Variants in DCDC2 observed in about 807,000 individuals in gnomAD.
DCDC2 encodes doublecortin domain-containing protein 2.
In DCDC2, 40 loss-of-function variants were observed where a neutral mutation model predicts 50.2. The observed-to-expected ratio is 0.80, with a 90% CI of 0.62 to 1.04. The LOEUF (loss-of-function observed/expected upper bound fraction) is 1.04. Among genes scored for constraint, DCDC2 ranks in the 50% least tolerant of loss-of-function variants. The pLI is 0.00. For missense variants in DCDC2, 570 were observed against 581.9 expected (o/e 0.98, Z 0.21); for synonymous variants, 234 against 210.6 (o/e 1.11, Z -0.96).
chr6:24,338,864 A>C (rs920588806), intron 2 of DCDC2, among the ~76,000 whole-genome samples: 1 of 151,944 alleles, frequency 6.6e-6, no homozygotes, highest in African/African-American at 2.4e-5. Flanking sequence ...GGCTGGTCTC[A>C]AACTCCTGAC....
At chr6:24,320,028 A>G (rs1259881351) in intron 2 of DCDC2, among the ~76,000 whole-genome samples, 1 of 152,214 alleles carries the variant, frequency 6.6e-6, no homozygotes, top group African/African-American at 2.4e-5. Flanking sequence ...AGAGCTTGGG[A>G]AAACGGTATT....
At chr6:24,359,033 T>A (rs1345955005), upstream of DCDC2, among the ~76,000 whole-genome samples, 9 of 53,480 alleles carry the variant, frequency 1.7e-4, no homozygotes, top group African/African-American at 7.4e-4. Flanking sequence ...TATTTTATAT[T>A]TTATATATAT....
At chr6:24,214,303 A>T (rs1291543270) in intron 7 of DCDC2, among the ~76,000 whole-genome samples, 4 of 152,184 alleles carry the variant, frequency 2.6e-5, no homozygotes, top group Non-Finnish European at 5.9e-5. Context: ...AGGTGTAGCA[A>T]AATATTCTAA....
intron 7 of DCDC2, among the ~76,000 whole-genome samples, chr6:24,232,832 T>TG (rs1480016971): frequency 6.6e-6 from 1 of 150,950 alleles, no homozygotes; most frequent in Non-Finnish European, 1.5e-5. Flanking sequence ...ATGGGGTTCT[T>TG]GAAAAAAAAA....
At chr6:24,210,240 G>T (rs1424841307) in intron 7 of DCDC2, among the ~76,000 whole-genome samples, 1 of 152,104 alleles carries the variant, frequency 6.6e-6, no homozygotes, top group Non-Finnish European at 1.5e-5. Context: ...AATCTCATTT[G>T]AGTACCATCA....
At chr6:24,206,404 G>A (rs561123893) in intron 7 of DCDC2, among the ~76,000 whole-genome samples, 6 of 152,190 alleles carry the variant, frequency 3.9e-5, no homozygotes, top group African/African-American at 1.4e-4. Context: ...CAGGAAGGGA[G>A]GAAAAGAGTG....
At chr6:24,243,286 A>G (rs73394036) in intron 7 of DCDC2, among the ~76,000 whole-genome samples, 19,411 of 152,146 alleles carry the variant, frequency 0.13, 1,583 homozygotes, top group East Asian at 0.36. Flanking sequence ...CAGATAACAG[A>G]GTCTTACTCT....
chr6:24,187,481 A>G (rs1031650736), intron 8 of DCDC2, among the ~76,000 whole-genome samples: 2 of 152,190 alleles, frequency 1.3e-5, no homozygotes, highest in African/African-American at 4.8e-5. Context: ...AGATACCTCT[A>G]GTACATTCTA....
At chr6:24,366,098 G>A in the DCDC2 span, among the ~76,000 whole-genome samples, 1 of 152,154 alleles carries the variant, frequency 6.6e-6, no homozygotes, top group South Asian at 2.1e-4. Context: ...GATTATAGGT[G>A]TAAGCCACTT....
At position 24,234,772 on chromosome 6, in the gene DCDC2, G is replaced by C. The variant is rs575299244; in HGVS notation, c.923-29670C>G. Among the ~76,000 whole-genome samples the C allele has an allele frequency of 1.6e-4, 25 of 152,256 alleles. No homozygotes were observed. In the South Asian group the frequency reaches 1.9e-3, roughly 11 times the overall value. ...TTAGTTTTAGGGATGTTGGGTACAA[G>C]TCTTTGGACCCCAAAAAATGTACAC... On this transcript the variant is annotated intron_variant, in intron 7 of 9. Coordinates refer to ENST00000378454, the MANE Select transcript of DCDC2 (RefSeq NM_016356.5).
At chr6:24,325,388 C>A (rs1043439924) in intron 2 of DCDC2, among the ~76,000 whole-genome samples, 8 of 149,600 alleles carry the variant, frequency 5.3e-5, no homozygotes, top group African/African-American at 1.9e-4. Context: ...CCTCAATCAA[C>A]TGTCTTCCTT....
chr6:24,244,017 T>C (rs1309987535), intron 7 of DCDC2, among the ~76,000 whole-genome samples: 1 of 152,260 alleles, frequency 6.6e-6, no homozygotes, highest in African/African-American at 2.4e-5. Context: ...TAATAAGGTT[T>C]ATTAAGTAGC....
chr6:24,327,560 G>A (rs190685407), intron 2 of DCDC2, among the ~76,000 whole-genome samples: 1 of 130,836 alleles, frequency 7.6e-6, no homozygotes, highest in African/African-American at 2.5e-5. Flanking sequence ...TGCAACCTCC[G>A]CCTCCCGGGT....
At position 24,173,914 on chromosome 6, in the gene DCDC2, A is replaced by G. The variant is rs1760840571; in HGVS notation, c.*816T>C. On this transcript the variant is annotated 3_prime_UTR_variant, in exon 10 of 10. Transcript: ENST00000378454. ...AATAGCCAATATCAGGTTCTCTAATAACATAAGGGAGAAGAGAGAGATACT... is the reference window on the plus strand; with the variant it reads ...AATAGCCAATATCAGGTTCTCTAATGACATAAGGGAGAAGAGAGAGATACT... 6.6e-6 allele frequency: 1 copy of G among 152,222 alleles called. No individual in the cohort carries two copies. Among genetic ancestry groups the G allele is most frequent in the African/African-American group, 2.4e-5 (1 of 41,450 alleles). The allele number at this position is 152,222 out of a possible 1,614,324, so 9.4% of individuals were successfully genotyped here.
At chr6:24,221,151 T>C (rs1279025294) in intron 7 of DCDC2, among the ~76,000 whole-genome samples, 1 of 152,130 alleles carries the variant, frequency 6.6e-6, no homozygotes, top group Non-Finnish European at 1.5e-5. Context: ...TAAAGGATAA[T>C]TCACTTAAGA....
Position 24,178,369 on chromosome 6 carries a change from C to T in DCDC2, c.1287G>A (p.Lys429=). ...VNNELQLVLD[K]ERKSQGAGSG... Reference sequence around the variant, plus strand: ...TGCCAGCTCCTTGAGACTTTCTTTCCTTGTCTAGGACCAGTTGAAGCTCAT... The same window carrying T: ...TGCCAGCTCCTTGAGACTTTCTTTCTTTGTCTAGGACCAGTTGAAGCTCAT... Residue 429 remains lysine (K), a synonymous_variant, in exon 9 of 10, where the codon AAG becomes AAA. Transcript: ENST00000378454. 1 of 1,614,008 alleles carries T rather than the reference C, an allele frequency of 6.2e-7. No individual in the cohort carries two copies. The highest frequency in any genetic ancestry group is 1.1e-5 in the South Asian group (1 of 91,054).
intron 7 of DCDC2, among the ~76,000 whole-genome samples, chr6:24,210,452 A>G (rs540996596): frequency 3.9e-5 from 6 of 152,246 alleles, no homozygotes; most frequent in African/African-American, 7.2e-5. Context: ...AGGAAATGGC[A>G]CCACTTCTCA....
At chr6:24,286,512 G>A (rs1193699806) in intron 6 of DCDC2, among the ~76,000 whole-genome samples, 1 of 151,536 alleles carries the variant, frequency 6.6e-6, no homozygotes, top group Non-Finnish European at 1.5e-5. Flanking sequence ...AGGATCGCTT[G>A]AGCCTGGGAG....
intron 6 of DCDC2, among the ~76,000 whole-genome samples, chr6:24,286,496 G>C (rs1425206946): frequency 6.6e-6 from 1 of 151,968 alleles, no homozygotes; most frequent in East Asian, 1.9e-4. Context: ...AGGAGACTGA[G>C]GTGAGAGGAT....
Sources: allele counts gnomAD v4.1 joint callset (sites outside exome capture counted in the v4.1 genomes callset), GRCh38; gene constraint gnomAD v4.1.1; transcripts MANE v1.5; gene names NCBI Gene and HGNC (gene_info 2026-07-23, HGNC 2026-07-21).